Variants in DOCK1 observed in about 807,000 individuals in gnomAD.
The protein encoded by DOCK1 is dedicator of cytokinesis 1.
Under a neutral mutation model 262.7 loss-of-function variants are expected in DOCK1, and 138 were observed. The ratio of observed to expected loss-of-function variants is 0.53; its 90% CI spans 0.46 to 0.61. The LOEUF is 0.61. Among genes scored for constraint, DOCK1 ranks in the 20% least tolerant of loss-of-function variants. The probability of loss-of-function intolerance (pLI) is 0.00; values close to 1 mark genes in which losing one functional copy is unlikely to be tolerated. For synonymous variants in DOCK1, 866 were observed against 867.4 expected, an observed-to-expected ratio of 1.00 and a Z score of 0.03; for missense variants, 1,908 against 2,370.7, an observed-to-expected ratio of 0.80 and a Z score of 4.05.
At chr10:126,939,091 CGGAGGGGATGAACACA>C (rs1486171892) in intron 1 of DOCK1, among the ~76,000 whole-genome samples, 15 of 145,368 alleles carry the variant, frequency 1.0e-4, no homozygotes, top group African/African-American at 3.3e-4. Flanking sequence ...GGACGAGCAC[CGGAGGGGATGAACACA>C]GGAGGGGATG....
At chr10:127,347,460 G>A (rs1294892272) in intron 31 of DOCK1, among the ~76,000 whole-genome samples, 1 of 152,242 alleles carries the variant, frequency 6.6e-6, no homozygotes, top group Non-Finnish European at 1.5e-5. Context: ...CGGCTGGGTG[G>A]TGAAGGCAGC....
chr10:127,163,188 TTTGTTCC>T (rs1430509973), intron 27 of DOCK1, among the ~76,000 whole-genome samples: 5 of 152,186 alleles, frequency 3.3e-5, no homozygotes, highest in Admixed American at 6.5e-5. Flanking sequence ...GGAACATGTC[TTTGTTCC>T]TCTTCACAAT....
chr10:127,132,585 C>T (rs574594095), intron 27 of DOCK1, among the ~76,000 whole-genome samples: 44 of 152,238 alleles, frequency 2.9e-4, no homozygotes, highest in African/African-American at 8.9e-4. Context: ...TCATCACACA[C>T]GGATCTGAGC....
intron 32 of DOCK1, among the ~76,000 whole-genome samples, chr10:127,358,416 G>T (rs919934032): frequency 1.3e-5 from 2 of 152,174 alleles, no homozygotes; most frequent in African/African-American, 2.4e-5. Context: ...AAAAAGGGGG[G>T]AAAATGTGCT....
intron 16 of DOCK1, among the ~76,000 whole-genome samples, chr10:127,027,144 C>G (rs894439983): frequency 6.6e-6 from 1 of 152,160 alleles, no homozygotes; most frequent in Non-Finnish European, 1.5e-5. Flanking sequence ...GCTTGTGTGC[C>G]GCAGGCAGTT....
intron 29 of DOCK1, among the ~76,000 whole-genome samples, chr10:127,280,080 G>A (rs1363833561): frequency 7.0e-6 from 1 of 142,566 alleles, no homozygotes; most frequent in African/African-American, 2.6e-5. Context: ...TGTCGCCCAG[G>A]CTGGAGTGCA....
intron 1 of DOCK1, among the ~76,000 whole-genome samples, chr10:126,948,082 ATGG>A (rs2035708103): frequency 2.1e-4 from 5 of 24,162 alleles, no homozygotes; most frequent in Admixed American, 7.8e-4. Context: ...GTTGGTGGTG[ATGG>A]TGGTGGTTGG....
chr10:127,138,718 G>A (rs1041198128), intron 27 of DOCK1, among the ~76,000 whole-genome samples: 2 of 152,174 alleles, frequency 1.3e-5, no homozygotes, highest in African/African-American at 4.8e-5. Flanking sequence ...TCAAGCCATG[G>A]CGTGCAAGCA....
intron 49 of DOCK1, among the ~76,000 whole-genome samples, chr10:127,439,774 G>C (rs1258795446): frequency 6.6e-6 from 1 of 152,124 alleles, no homozygotes; most frequent in Non-Finnish European, 1.5e-5. Context: ...TCTTTCACAA[G>C]GACTTAACAG....
At chr10:127,272,640 G>A (rs2060610050) in intron 29 of DOCK1, among the ~76,000 whole-genome samples, 1 of 152,190 alleles carries the variant, frequency 6.6e-6, no homozygotes, top group Admixed American at 6.5e-5. Flanking sequence ...TTGGGATGCA[G>A]AGGTTTGGCA....
intron 1 of DOCK1, among the ~76,000 whole-genome samples, chr10:126,918,362 G>A (rs1336728911): frequency 2.0e-5 from 3 of 152,262 alleles, no homozygotes; most frequent in Admixed American, 6.5e-5. Flanking sequence ...CTACTGGTGC[G>A]TGGCGGTAGC....
At chr10:127,328,151 A>G (rs1461121318) in intron 29 of DOCK1, among the ~76,000 whole-genome samples, 1 of 150,420 alleles carries the variant, frequency 6.6e-6, no homozygotes, top group Non-Finnish European at 1.5e-5. Context: ...AATCGGTCTC[A>G]GTTTTCAGCC....
intron 27 of DOCK1, among the ~76,000 whole-genome samples, chr10:127,141,540 T>G (rs2051244590): frequency 6.6e-6 from 1 of 152,110 alleles, no homozygotes; most frequent in African/African-American, 2.4e-5. Flanking sequence ...CCATCTGTAC[T>G]AAAAATATAA....
At chr10:127,128,542 C>T (rs548145142) in intron 27 of DOCK1, among the ~76,000 whole-genome samples, 2 of 152,112 alleles carry the variant, frequency 1.3e-5, no homozygotes, top group African/African-American at 2.4e-5. Context: ...CCTCCATTTG[C>T]CCCCCACTCC....
At chr10:127,444,592 C>T (rs536667110) in intron 50 of DOCK1, among the ~76,000 whole-genome samples, 61 of 152,298 alleles carry the variant, frequency 4.0e-4, no homozygotes, top group Non-Finnish European at 8.2e-4. Flanking sequence ...GGACGCAGAG[C>T]TGCAGGAGGC....
chr10:127,155,512 C>T (rs1331509631), intron 27 of DOCK1, among the ~76,000 whole-genome samples: 2 of 152,164 alleles, frequency 1.3e-5, no homozygotes, highest in Admixed American at 1.3e-4. Context: ...CCACAGCAGG[C>T]CATTCCGTTC....
intron 28 of DOCK1, 90 bp downstream of exon 28, chr10:127,248,199 A>G (rs573059696): frequency 1.8e-6 from 2 of 1,139,372 alleles, no homozygotes; most frequent in Admixed American, 2.2e-5. Context: ...CATTTAAAAT[A>G]GGATTTTGCA....
At chr10:127,385,381 T>C (rs952049976) in intron 38 of DOCK1, among the ~76,000 whole-genome samples, 2 of 152,128 alleles carry the variant, frequency 1.3e-5, no homozygotes, top group Admixed American at 1.3e-4. Flanking sequence ...TCAGCCAGTA[T>C]TATATCTGAT....
intron 1 of DOCK1, among the ~76,000 whole-genome samples, chr10:126,963,673 C>T (rs939127580): frequency 0.089 from 7,253 of 81,488 alleles, 808 homozygotes; most frequent in African/African-American, 0.22. Flanking sequence ...CTTCCTTCCT[C>T]CCTCCCTTCC....
Sources: gnomAD v4.1 joint callset for allele counts (sites outside exome capture counted in the v4.1 genomes callset) on GRCh38, gnomAD v4.1.1 for gene constraint, MANE v1.5 for transcripts, NCBI Gene and HGNC (gene_info 2026-07-23, HGNC 2026-07-21) for gene names.